Variants in CDYL observed in about 807,000 individuals in gnomAD.
CDYL encodes chromodomain Y like, also known as chromodomain Y-like protein.
Under a neutral mutation model 47.3 loss-of-function variants are expected in CDYL, and 8 were observed. That is an observed-to-expected ratio of 0.17 (90% CI 0.10 to 0.31). The LOEUF is 0.31. Among genes scored for constraint, CDYL ranks in the 10% least tolerant of loss-of-function variants. The probability of loss-of-function intolerance (pLI) is 1.00; values close to 1 mark genes in which losing one functional copy is unlikely to be tolerated. For missense variants in CDYL, 471 were observed against 701.4 expected (o/e 0.67, Z 3.71); for synonymous variants, 266 against 265.0 (o/e 1.00, Z -0.04).
At chr6:4,839,388 T>C (rs1760422059) in intron 1 of CDYL, among the ~76,000 whole-genome samples, 1 of 152,254 alleles carries the variant, frequency 6.6e-6, no homozygotes, top group East Asian at 1.9e-4. Context: ...ACTCTGCTGA[T>C]TGTTTATTTT....
chr6:4,735,620 G>T (rs1253760060), intron 3 of CDYL, among the ~76,000 whole-genome samples: 6 of 151,956 alleles, frequency 3.9e-5, no homozygotes, highest in African/African-American at 1.4e-4. Flanking sequence ...AAAAAAATTA[G>T]CCAAGCTTGG....
At chr6:4,783,517 A>G (rs961987487) in intron 1 of CDYL, among the ~76,000 whole-genome samples, 3 of 151,778 alleles carry the variant, frequency 2.0e-5, no homozygotes, top group Non-Finnish European at 4.4e-5. Flanking sequence ...CACTGGTTCA[A>G]GTGATTCTCC....
intron 1 of CDYL, among the ~76,000 whole-genome samples, chr6:4,819,690 A>G (rs1392591279): frequency 1.3e-5 from 2 of 152,110 alleles, no homozygotes; most frequent in African/African-American, 2.4e-5. Flanking sequence ...TGTTTATGAC[A>G]GTGGTTTTCA....
At chr6:4,891,489 A>G (rs1762038385) in intron 1 of CDYL, among the ~76,000 whole-genome samples, 1 of 152,192 alleles carries the variant, frequency 6.6e-6, no homozygotes, top group South Asian at 2.1e-4. Context: ...CACCTAATGC[A>G]TATCCACACG....
chr6:4,723,932 CG>C (rs1757426330), intron 2 of CDYL, among the ~76,000 whole-genome samples: 1 of 152,224 alleles, frequency 6.6e-6, no homozygotes, highest in African/African-American at 2.4e-5. Context: ...GATCTGCTTT[CG>C]GTTAGAATGA....
In CDYL at chr6:4,778,658, C is replaced by G. The variant is rs145975964; in HGVS notation, c.24+1851C>G. On this transcript the variant is annotated intron_variant, in intron 1 of 6. Transcript: ENST00000397588. ...CACCTGCACAATTGAACTTTTGATT[C>G]TGAGTTTTATTTTAGTTTTGGAAAA... 7.5e-4 allele frequency among the ~76,000 whole-genome samples: 114 copies of G among 152,096 alleles called. 2 individuals carry two copies. The highest frequency in any genetic ancestry group is 2.3e-3 in the African/African-American group (95 of 41,480).
At chr6:4,886,289 T>A (rs142566434) in intron 1 of CDYL, among the ~76,000 whole-genome samples, 25 of 152,292 alleles carry the variant, frequency 1.6e-4, no homozygotes, top group African/African-American at 5.5e-4. Flanking sequence ...ATATGGTAAC[T>A]CTATTCGAGG....
intron 1 of CDYL, among the ~76,000 whole-genome samples, chr6:4,834,814 T>G (rs1248136816): frequency 1.3e-5 from 2 of 152,180 alleles, no homozygotes; most frequent in African/African-American, 4.8e-5. Context: ...CTCGCTTCAT[T>G]TCATTCATTT....
intron 1 of CDYL, among the ~76,000 whole-genome samples, chr6:4,867,245 T>G (rs1248084395): frequency 6.6e-6 from 1 of 152,102 alleles, no homozygotes; most frequent in Non-Finnish European, 1.5e-5. Flanking sequence ...CTCAAAAGTT[T>G]TTTTAAAAAA....
chr6:4,933,766 A>T (rs1442214283), intron 2 of CDYL, among the ~76,000 whole-genome samples: 1 of 152,186 alleles, frequency 6.6e-6, no homozygotes. Flanking sequence ...ACTCCAGGCT[A>T]CAAGTCCTTT....
At chr6:4,870,044 CT>C (rs1761431114) in intron 1 of CDYL, among the ~76,000 whole-genome samples, 1 of 151,652 alleles carries the variant, frequency 6.6e-6, no homozygotes, top group African/African-American at 2.4e-5. Context: ...CATTTTTTTT[CT>C]TTTTTCTTTT....
chr6:4,818,519 T>C (rs1759736053), intron 1 of CDYL, among the ~76,000 whole-genome samples: 1 of 152,140 alleles, frequency 6.6e-6, no homozygotes, highest in Non-Finnish European at 1.5e-5. Context: ...TTTTCTTCAG[T>C]GTGAGTCTGA....
At chr6:4,847,511 G>A (rs553697045) in intron 1 of CDYL, among the ~76,000 whole-genome samples, 2 of 152,288 alleles carry the variant, frequency 1.3e-5, no homozygotes, top group African/African-American at 2.4e-5. Flanking sequence ...TTAACCTGAT[G>A]CCTGAAACTT....
Position 4,955,181 on chromosome 6 carries a change from G to A in CDYL, c.*1125G>A, listed in dbSNP as rs770507166. ...TATGGTGTCCAAGAGTGCCCTGTGT[G>A]GATAGACATGTGCACTCCTTCCAGG... On this transcript the variant is annotated 3_prime_UTR_variant, in exon 7 of 7. Transcript: ENST00000397588. 6.5e-6 allele frequency: 1 copy of A among 152,676 alleles called. No homozygotes were observed. The highest frequency in any genetic ancestry group is 2.1e-4 in the South Asian group (1 of 4,820). 9.5% of individuals were successfully genotyped at this position (152,676 alleles called of 1,614,324 possible).
At chr6:4,731,266 A>G (rs1172006524) in intron 2 of CDYL, among the ~76,000 whole-genome samples, 2 of 152,206 alleles carry the variant, frequency 1.3e-5, no homozygotes, top group Non-Finnish European at 2.9e-5. Flanking sequence ...TGAAGTGTTC[A>G]CATAAATCAT....
chr6:4,935,825 C>G (rs1209142854), intron 3 of CDYL, 54 bp downstream of exon 3: 18 of 1,603,466 alleles, frequency 1.1e-5, no homozygotes, highest in Non-Finnish European at 1.5e-5. Context: ...TGCCTGATTT[C>G]CAGGCCTGCC....
At chr6:4,882,898 A>C (rs1014912661) in intron 1 of CDYL, among the ~76,000 whole-genome samples, 1 of 152,138 alleles carries the variant, frequency 6.6e-6, no homozygotes, top group Non-Finnish European at 1.5e-5. Context: ...AATTTAACCC[A>C]AACAAGTTGA....
At chr6:4,900,919 T>A (rs1045930940) in intron 2 of CDYL, among the ~76,000 whole-genome samples, 3 of 148,690 alleles carry the variant, frequency 2.0e-5, no homozygotes, top group Non-Finnish European at 4.5e-5. Flanking sequence ...TACACTGATC[T>A]TCTCTGCATG....
intron 3 of CDYL, among the ~76,000 whole-genome samples, chr6:4,747,779 A>C (rs758597848): frequency 6.6e-6 from 1 of 152,266 alleles, no homozygotes; most frequent in Non-Finnish European, 1.5e-5. Context: ...ACAACTGTGA[A>C]GTTAAATGCC....
Sources: gnomAD v4.1 joint callset for allele counts (sites outside exome capture counted in the v4.1 genomes callset) on GRCh38, gnomAD v4.1.1 for gene constraint, MANE v1.5 for transcripts, NCBI Gene and HGNC (gene_info 2026-07-23, HGNC 2026-07-21) for gene names.